GHR: variants seen among roughly 807,000 people sequenced by gnomAD.
The protein encoded by GHR is GH receptor.
GHR carries 35 observed loss-of-function variants against 67.1 expected under a neutral mutation model. The ratio of observed to expected loss-of-function variants is 0.52; its 90% CI spans 0.40 to 0.69. GHR has a LOEUF of 0.69. Among genes scored for constraint, GHR ranks in the 30% least tolerant of loss-of-function variants. GHR has a pLI of 0.00. For missense variants in GHR, 792 were observed against 764.6 expected, an observed-to-expected ratio of 1.04 and a Z score of -0.42; for synonymous variants, 272 against 269.1, an observed-to-expected ratio of 1.01 and a Z score of -0.10.
At position 42,619,973 on chromosome 5, in the gene GHR, A is replaced by G. The variant is rs1262504946; in HGVS notation, c.71-9065A>G. Among the ~76,000 whole-genome samples the G allele has an allele frequency of 3.3e-5, 5 of 152,300 alleles. No homozygotes were observed. The South Asian group carries it at 6.2e-4, about 19-fold the overall frequency. ...ACAAGTACCAAGCAACGAGCACCAC[A>G]TATGTCAGTATCCAAAGACAAACAT... On this transcript the variant is annotated intron_variant, in intron 2 of 9. Transcript: ENST00000230882.
At chr5:42,573,469 C>T (rs976825203) in intron 2 of GHR, among the ~76,000 whole-genome samples, 3 of 152,064 alleles carry the variant, frequency 2.0e-5, no homozygotes, top group Non-Finnish European at 2.9e-5. Flanking sequence ...GACTGAACTC[C>T]GAACCCCATG....
At chr5:42,684,110 ATTG>A (rs1389248043) in intron 3 of GHR, among the ~76,000 whole-genome samples, 1 of 152,138 alleles carries the variant, frequency 6.6e-6, no homozygotes, top group African/African-American at 2.4e-5. Flanking sequence ...TTGGTGTTCT[ATTG>A]TTGTTTCAAT....
rs538260108 is a variant in GHR, at chr5:42,689,088, G to A, written c.266+69G>A. 1.5e-5 allele frequency: 19 copies of A among 1,296,718 alleles called. No individual in the cohort carries two copies. The African/African-American group carries it at 2.8e-4, about 19-fold the overall frequency. The allele number at this position is 1,296,718 out of a possible 1,614,324, so 80.3% of individuals were successfully genotyped here. A position where few individuals can be genotyped will look rare whatever the true frequency, so the allele number is the denominator to read the frequency against. On this transcript the variant is annotated intron_variant, in intron 4 of 9. Coordinates refer to ENST00000230882, the MANE Select transcript of GHR (RefSeq NM_000163.5). ...CCTACTAAAGTACACTGAGTCAGATGTACTGTGGGAATGGAAGTGATTTGT... is the reference window on the plus strand; with the variant it reads ...CCTACTAAAGTACACTGAGTCAGATATACTGTGGGAATGGAAGTGATTTGT...
intron 2 of GHR, among the ~76,000 whole-genome samples, chr5:42,623,503 G>C (rs1753558988): frequency 6.6e-6 from 1 of 152,168 alleles, no homozygotes; most frequent in African/African-American, 2.4e-5. Flanking sequence ...TGCCCAGGCT[G>C]TGTCTTCTGC....
intron 3 of GHR, among the ~76,000 whole-genome samples, chr5:42,686,482 G>C (rs908771367): frequency 6.6e-6 from 1 of 152,132 alleles, no homozygotes; most frequent in Non-Finnish European, 1.5e-5. Flanking sequence ...TATCCACCCC[G>C]ATCAAGTCGG....
intron 1 of GHR, among the ~76,000 whole-genome samples, chr5:42,493,231 G>A (rs1746189342): frequency 6.6e-6 from 1 of 152,176 alleles, no homozygotes; most frequent in Admixed American, 6.6e-5. Context: ...GCTGTGTTAA[G>A]TGAAATCTGT....
chr5:42,639,795 T>C (rs1417026945), intron 3 of GHR, among the ~76,000 whole-genome samples: 4 of 152,210 alleles, frequency 2.6e-5, no homozygotes, highest in African/African-American at 9.7e-5. Flanking sequence ...TGTAAGTTCT[T>C]TGAGGGCAGG....
intron 8 of GHR, among the ~76,000 whole-genome samples, chr5:42,714,459 G>T (rs1447554551): frequency 2.0e-5 from 3 of 152,130 alleles, no homozygotes; most frequent in African/African-American, 7.2e-5. Context: ...TATTTTAAAA[G>T]ATTTTACTTT....
At chr5:42,696,686 T>C (rs914975123) in intron 5 of GHR, among the ~76,000 whole-genome samples, 4 of 152,202 alleles carry the variant, frequency 2.6e-5, no homozygotes, top group African/African-American at 9.6e-5. Flanking sequence ...CAAAAAGGAA[T>C]TTGGACTTTA....
intron 1 of GHR, among the ~76,000 whole-genome samples, chr5:42,503,178 A>C (rs1308997981): frequency 6.6e-6 from 1 of 152,214 alleles, no homozygotes; most frequent in Non-Finnish European, 1.5e-5. Flanking sequence ...CCTTCTGAGC[A>C]ATACAAGGAA....
intron 1 of GHR, among the ~76,000 whole-genome samples, chr5:42,501,096 C>A (rs1190261331): frequency 3.3e-5 from 5 of 152,094 alleles, no homozygotes; most frequent in Non-Finnish European, 5.9e-5. Context: ...TCAGGTTCTG[C>A]AGTAAAAATT....
chr5:42,584,786 TACACACACACAC>T (rs35457239), intron 2 of GHR, among the ~76,000 whole-genome samples: 4 of 148,062 alleles, frequency 2.7e-5, no homozygotes, highest in South Asian at 2.2e-4. Context: ...CTAGAATGTA[TACACACACACAC>T]ACACACACAC....
chr5:42,650,601 A>ATATATG (rs1451781629), intron 3 of GHR, among the ~76,000 whole-genome samples: 7 of 145,014 alleles, frequency 4.8e-5, no homozygotes, highest in Non-Finnish European at 1.1e-4. Context: ...ATATATATAT[A>ATATATG]TGTATGTCTA....
Position 42,447,773 on chromosome 5 carries a change from C to T in GHR, c.-12+23818C>T, listed in dbSNP as rs557914035. ...CTTTCTTTCTTTTCTTTCTCTCTCT[C>T]TCTTTCTTTCCTCTTTCTCTAGCCC... On this transcript the variant is annotated intron_variant, in intron 1 of 9. Coordinates refer to ENST00000230882, the MANE Select transcript of GHR (RefSeq NM_000163.5). Among the ~76,000 whole-genome samples, 9 of 140,796 alleles carry T rather than the reference C, an allele frequency of 6.4e-5. No individual in the cohort carries two copies. In the South Asian group the frequency reaches 2.2e-3, roughly 35 times the overall value. 92.4% of individuals were successfully genotyped at this position (140,796 alleles called of 152,430 possible). A position where few individuals can be genotyped will look rare whatever the true frequency, so the allele number is the denominator to read the frequency against.
At chr5:42,529,080 T>C (rs893375121) in intron 1 of GHR, among the ~76,000 whole-genome samples, 1 of 151,684 alleles carries the variant, frequency 6.6e-6, no homozygotes, top group Non-Finnish European at 1.5e-5. Context: ...GGTGCAATCT[T>C]GGCTCACTGC....
At position 42,468,890 on chromosome 5, in the gene GHR, C is replaced by T. The variant is rs142373953; in HGVS notation, c.-12+44935C>T. ...ATGATGGTTGCTCGGCGGCACATTC[C>T]TCCACGGATTGCAGCGGGCTGCGCC... On this transcript the variant is annotated intron_variant, in intron 1 of 9. Coordinates refer to ENST00000230882, the MANE Select transcript of GHR (RefSeq NM_000163.5). The T allele has an allele frequency of 2.9e-4, 210 of 728,942 alleles. No individual in the cohort carries two copies. In the East Asian group the frequency reaches 5.8e-3, roughly 20 times the overall value. 45.2% of individuals were successfully genotyped at this position (728,942 alleles called of 1,614,324 possible). A position where few individuals can be genotyped will look rare whatever the true frequency, so the allele number is the denominator to read the frequency against.
intron 2 of GHR, 141 bp downstream of exon 2, chr5:42,566,085 A>G (rs1749916858): frequency 4.2e-6 from 4 of 944,322 alleles, no homozygotes; most frequent in Non-Finnish European, 6.7e-6. Context: ...ACTTAGCTTT[A>G]AAATCAGAAA....
intron 2 of GHR, among the ~76,000 whole-genome samples, chr5:42,577,430 A>C (rs528442768): frequency 1.3e-5 from 2 of 152,156 alleles, no homozygotes; most frequent in African/African-American, 4.8e-5. Context: ...ATTTTTTTTT[A>C]AAATAACTGA....
chr5:42,595,263 C>T (rs910806148), intron 2 of GHR, among the ~76,000 whole-genome samples: 2 of 152,162 alleles, frequency 1.3e-5, no homozygotes, highest in African/African-American at 4.8e-5. Flanking sequence ...TGATGTAGAA[C>T]ATACTGTTTC....
Sources: allele counts gnomAD v4.1 joint callset (sites outside exome capture counted in the v4.1 genomes callset), GRCh38; gene constraint gnomAD v4.1.1; transcripts MANE v1.5; gene names NCBI Gene and HGNC (gene_info 2026-07-23, HGNC 2026-07-21).